Variants in ROBO2 observed in about 807,000 individuals in gnomAD.
The protein encoded by ROBO2 is roundabout guidance receptor 2, also known as roundabout homolog 2.
Under a neutral mutation model 160.8 loss-of-function variants are expected in ROBO2, and 53 were observed. The observed-to-expected ratio is 0.33, with a 90% CI of 0.26 to 0.41. The LOEUF (loss-of-function observed/expected upper bound fraction) is 0.41. Among genes scored for constraint, ROBO2 ranks in the 10% least tolerant of loss-of-function variants. The pLI is 1.00. For missense variants in ROBO2, 1,577 were observed against 1,722.4 expected (o/e 0.92, Z 1.49); for synonymous variants, 664 against 611.7 (o/e 1.09, Z -1.26).
chr3:76,652,843 A>G (rs565076720), intron 2 of ROBO2, among the ~76,000 whole-genome samples: 78 of 152,226 alleles, frequency 5.1e-4, no homozygotes, highest in Admixed American at 9.2e-4. Flanking sequence ...TAGAAAAACA[A>G]TGAAGGGTTA....
intron 2 of ROBO2, among the ~76,000 whole-genome samples, chr3:77,326,917 C>T (rs1285877721): frequency 6.6e-6 from 1 of 152,116 alleles, no homozygotes; most frequent in Non-Finnish European, 1.5e-5. Context: ...ATGAATTCTG[C>T]TTTAATAACA....
intron 2 of ROBO2, among the ~76,000 whole-genome samples, chr3:76,268,219 A>G (rs1426824899): frequency 1.3e-5 from 2 of 150,974 alleles, no homozygotes; most frequent in East Asian, 4.0e-4. Flanking sequence ...GCAGTGAGCC[A>G]TAATTGTGCC....
At chr3:77,410,732 T>TCCTCCTCTTCC (rs1560759109) in intron 2 of ROBO2, among the ~76,000 whole-genome samples, 58 of 49,150 alleles carry the variant, frequency 1.2e-3, no homozygotes, top group African/African-American at 4.9e-3. Context: ...CCTCCTCCTC[T>TCCTCCTCTTCC]TCCTCCTCCT....
chr3:75,948,776 A>G (rs1948425598), intron 2 of ROBO2, among the ~76,000 whole-genome samples: 1 of 152,148 alleles, frequency 6.6e-6, no homozygotes, highest in Non-Finnish European at 1.5e-5. Context: ...TTAATATTTT[A>G]TATCTTATAA....
chr3:77,102,390 A>G (rs537240203), intron 2 of ROBO2, among the ~76,000 whole-genome samples: 1 of 152,262 alleles, frequency 6.6e-6, no homozygotes, highest in East Asian at 1.9e-4. Flanking sequence ...GATTCTCCCT[A>G]GCCCTGTTGA....
At chr3:76,427,726 CTTG>C (rs757858640) in intron 2 of ROBO2, among the ~76,000 whole-genome samples, 4 of 152,076 alleles carry the variant, frequency 2.6e-5, no homozygotes, top group Non-Finnish European at 2.9e-5. Flanking sequence ...TAATTGTATT[CTTG>C]TTGTTTAATG....
At chr3:76,598,930 T>C (rs2086914141) in intron 2 of ROBO2, among the ~76,000 whole-genome samples, 1 of 152,134 alleles carries the variant, frequency 6.6e-6, no homozygotes, top group Non-Finnish European at 1.5e-5. Flanking sequence ...GAACACAGCA[T>C]ATAGAAAAAC....
intron 2 of ROBO2, among the ~76,000 whole-genome samples, chr3:77,344,404 G>T (rs914685761): frequency 1.3e-5 from 2 of 152,176 alleles, no homozygotes; most frequent in African/African-American, 4.8e-5. Context: ...GGTGTTAGGA[G>T]GTAGAGCCTT....
intron 2 of ROBO2, among the ~76,000 whole-genome samples, chr3:76,267,912 A>G (rs1400876562): frequency 1.3e-5 from 2 of 152,152 alleles, no homozygotes; most frequent in Non-Finnish European, 2.9e-5. Flanking sequence ...TGTACCTCAC[A>G]GCTGTACTAT....
intron 2 of ROBO2, among the ~76,000 whole-genome samples, chr3:76,866,575 A>G (rs2071397974): frequency 6.6e-6 from 1 of 152,112 alleles, no homozygotes; most frequent in Admixed American, 6.5e-5. Context: ...AGCACTATCC[A>G]AGACTCCAGC....
Position 77,506,857 on chromosome 3 carries a change from G to A in ROBO2, c.806+13475G>A, listed in dbSNP as rs143782000. On this transcript the variant is annotated intron_variant, in intron 5 of 25. Coordinates refer to ENST00000461745, the Ensembl canonical transcript of ROBO2. ...ACTTCGAAGATAATAATCTTTTTTT[G>A]TTGCCTGAGATATGATGGTTATACA... Among the ~76,000 whole-genome samples, 10 of 151,908 alleles carry A rather than the reference G, an allele frequency of 6.6e-5. No homozygotes were observed. In the East Asian group the frequency reaches 1.9e-3, roughly 29 times the overall value.
chr3:76,314,348 A>G (rs2071819809), intron 2 of ROBO2, among the ~76,000 whole-genome samples: 1 of 152,194 alleles, frequency 6.6e-6, no homozygotes, highest in African/African-American at 2.4e-5. Flanking sequence ...AAAGATGTAA[A>G]CAGCTCCATT....
intron 2 of ROBO2, among the ~76,000 whole-genome samples, chr3:76,442,552 T>C (rs1331296355): frequency 6.6e-6 from 1 of 152,204 alleles, no homozygotes; most frequent in African/African-American, 2.4e-5. Flanking sequence ...TTCCCCTTTA[T>C]TCACGGTTTC....
At chr3:77,498,052 T>G (rs1221962460) in intron 5 of ROBO2, among the ~76,000 whole-genome samples, 1 of 152,202 alleles carries the variant, frequency 6.6e-6, no homozygotes, top group Admixed American at 6.5e-5. Flanking sequence ...TTGTGAATTC[T>G]TATCTGTGCA....
chr3:76,134,397 C>T (rs1045300854), intron 2 of ROBO2, among the ~76,000 whole-genome samples: 1 of 152,016 alleles, frequency 6.6e-6, no homozygotes, highest in Non-Finnish European at 1.5e-5. Flanking sequence ...AGTGGACTTA[C>T]GAGTGTTTCT....
intron 2 of ROBO2, among the ~76,000 whole-genome samples, chr3:76,774,822 T>A (rs904971071): frequency 1.3e-5 from 2 of 150,088 alleles, no homozygotes; most frequent in African/African-American, 4.9e-5. Context: ...CTCTTTTTTT[T>A]TTTCCCGAGA....
chr3:76,827,686 A>G (rs77532429), intron 2 of ROBO2, among the ~76,000 whole-genome samples: 1 of 152,138 alleles, frequency 6.6e-6, no homozygotes, highest in Admixed American at 6.6e-5. Context: ...GATTTTCTCT[A>G]GCTAGTGTAC....
chr3:76,801,684 C>T (rs921899426), intron 2 of ROBO2, among the ~76,000 whole-genome samples: 1 of 152,086 alleles, frequency 6.6e-6, no homozygotes, highest in African/African-American at 2.4e-5. Flanking sequence ...TTATCACTTG[C>T]GTATTCACTG....
At chr3:76,315,323 T>A (rs2071922974) in intron 2 of ROBO2, among the ~76,000 whole-genome samples, 1 of 152,186 alleles carries the variant, frequency 6.6e-6, no homozygotes. Flanking sequence ...CAGCCATACT[T>A]TTTTTCTGTA....
Sources: gnomAD v4.1 joint callset for allele counts (sites outside exome capture counted in the v4.1 genomes callset) on GRCh38, gnomAD v4.1.1 for gene constraint, MANE v1.5 for transcripts, NCBI Gene and HGNC (gene_info 2026-07-23, HGNC 2026-07-21) for gene names.